Variants in LRP1B observed in about 807,000 individuals in gnomAD.
LRP1B encodes low-density lipoprotein receptor-related protein 1B.
In LRP1B, 217 loss-of-function variants were observed where a neutral mutation model predicts 556.6. The observed-to-expected ratio is 0.39, with a 90% CI of 0.35 to 0.44. The LOEUF (loss-of-function observed/expected upper bound fraction) is 0.44, where lower values mean the gene tolerates loss of function less well. Ranked by LOEUF, LRP1B falls within the 20% of genes least tolerant of loss-of-function variation. The probability of loss-of-function intolerance (pLI) is 1.00; values close to 1 mark genes in which losing one functional copy is unlikely to be tolerated. For missense variants in LRP1B, 5,053 were observed against 5,620.8 expected (o/e 0.90, Z 3.23); for synonymous variants, 2,047 against 1,865.8 (o/e 1.10, Z -2.50).
In LRP1B at chr2:141,570,908, T is replaced by A. The variant is rs372186826; in HGVS notation, c.206-90375A>T. 2.5e-4 allele frequency among the ~76,000 whole-genome samples: 37 copies of A among 150,512 alleles called. 1 individual carries two copies. The highest frequency in any genetic ancestry group is 6.3e-4 in the South Asian group (3 of 4,748). Reference sequence around the variant, plus strand: ...CTCAGGGACAGAATCTGGATCTCCCTGGGCCTGAGCCCCAAGGGGGAGGGG... The same window carrying A: ...CTCAGGGACAGAATCTGGATCTCCCAGGGCCTGAGCCCCAAGGGGGAGGGG... On this transcript the variant is annotated intron_variant, in intron 2 of 90. Transcript: ENST00000389484.
At chr2:142,062,373 C>G (rs941210998) in intron 1 of LRP1B, among the ~76,000 whole-genome samples, 6 of 151,790 alleles carry the variant, frequency 4.0e-5, no homozygotes, top group African/African-American at 1.5e-4. Context: ...TCTGCAAGGT[C>G]TTTGCTGACC....
Position 141,298,721 on chromosome 2 carries a change from G to A in LRP1B, c.344-44080C>T, listed in dbSNP as rs367615980. Among the ~76,000 whole-genome samples the A allele has an allele frequency of 9.9e-5, 15 of 152,134 alleles. 1 individual carries two copies. The South Asian group carries it at 2.7e-3, about 27-fold the overall frequency. On this transcript the variant is annotated intron_variant, in intron 3 of 90. Transcript: ENST00000389484. ...TGTAATACCAGCACTTTGGGAGGCC[G>A]AGGTGGGTGGATCACCTGAGGTCAG...
chr2:141,046,347 T>C (rs766746423), intron 11 of LRP1B, among the ~76,000 whole-genome samples: 5 of 152,090 alleles, frequency 3.3e-5, no homozygotes, highest in Non-Finnish European at 7.4e-5. Flanking sequence ...TGAATACACA[T>C]AGAATTTAAT....
chr2:140,924,380 T>C (rs1355690538), intron 20 of LRP1B, among the ~76,000 whole-genome samples: 1 of 152,072 alleles, frequency 6.6e-6, no homozygotes, highest in African/African-American at 2.4e-5. Context: ...TTGTTGCTGT[T>C]ATTTTCTATA....
At chr2:141,352,710 C>G (rs564084416) in intron 3 of LRP1B, among the ~76,000 whole-genome samples, 3 of 151,946 alleles carry the variant, frequency 2.0e-5, no homozygotes, top group South Asian at 4.1e-4. Context: ...ACAATTTACA[C>G]TAGGACAATA....
In LRP1B at chr2:140,236,877, A is replaced by C. The variant is rs183387693; in HGVS notation, c.13560+1275T>G. 2.6e-5 allele frequency among the ~76,000 whole-genome samples: 4 copies of C among 151,106 alleles called. No homozygotes were observed. The East Asian group carries it at 5.9e-4, about 22-fold the overall frequency. Reference sequence around the variant, plus strand: ...TCTAGATTTGCTAATACCTCAACACATTTGATTAGAGCATTATTTTACATG... The same window carrying C: ...TCTAGATTTGCTAATACCTCAACACCTTTGATTAGAGCATTATTTTACATG... On this transcript the variant is annotated intron_variant, in intron 89 of 90. Coordinates refer to ENST00000389484, the MANE Select transcript of LRP1B (RefSeq NM_018557.3).
chr2:141,900,847 T>G (rs941225493), intron 1 of LRP1B, among the ~76,000 whole-genome samples: 4 of 151,986 alleles, frequency 2.6e-5, no homozygotes, highest in African/African-American at 9.7e-5. Flanking sequence ...CTTCTCAAAT[T>G]ATCTAAATTT....
chr2:141,681,621 T>A (rs1662099239), intron 2 of LRP1B, among the ~76,000 whole-genome samples: 1 of 152,138 alleles, frequency 6.6e-6, no homozygotes, highest in Non-Finnish European at 1.5e-5. Flanking sequence ...ATAAATCATC[T>A]AAGATAGCAA....
chr2:140,548,649 G>A (rs565167490), intron 43 of LRP1B, among the ~76,000 whole-genome samples: 32 of 152,158 alleles, frequency 2.1e-4, no homozygotes, highest in Non-Finnish European at 3.1e-4. Flanking sequence ...ATTGTCAGGC[G>A]TGGTGGCTCA....
chr2:141,480,508 G>A lies in LRP1B; in HGVS notation c.231C>T (p.Cys77=), dbSNP rs2105090305. The A allele has an allele frequency of 1.2e-6, 2 of 1,613,858 alleles. No homozygotes were observed. The highest frequency in any genetic ancestry group is 1.7e-6 in the Non-Finnish European group (2 of 1,179,886). The part of the protein sequence containing the change: ...DTCPEEVEIK[C]PLNHIACLGT... ...CAAGGCAAGCAATGTGATTCAAGGG[G>A]CACTTGATTTCTACCTCCTCGGGAC... Residue 77 remains cysteine (C), a synonymous_variant, in exon 3 of 91, where the codon TGC becomes TGT. Transcript: ENST00000389484.
chr2:141,492,581 T>C (rs1380530717), intron 2 of LRP1B, among the ~76,000 whole-genome samples: 1 of 152,068 alleles, frequency 6.6e-6, no homozygotes, highest in African/African-American at 2.4e-5. Flanking sequence ...AAAATAGAGA[T>C]GAGAGAAGAC....
rs375693975 is a variant in LRP1B at position 140,501,944 on chromosome 2, A to T, written c.8663-70T>A. 3.6e-4 allele frequency: 382 copies of T among 1,054,956 alleles called. 3 individuals carry two copies. In the African/African-American group the frequency reaches 5.7e-3, roughly 16 times the overall value. 65.3% of individuals were successfully genotyped at this position (1,054,956 alleles called of 1,614,324 possible). On this transcript the variant is annotated intron_variant, in intron 54 of 90. Transcript: ENST00000389484. ...GTTTTATACTACAGTTGTTGAAAAC[A>T]TTCACAAATATCATTAACTCAGGTG...
chr2:142,047,910 CT>C (rs1704316114), intron 1 of LRP1B, among the ~76,000 whole-genome samples: 1 of 151,878 alleles, frequency 6.6e-6, no homozygotes, highest in African/African-American at 2.4e-5. Context: ...ATAAATAAAC[CT>C]TTTTTATGCC....
chr2:140,905,424 A>G (rs542355066), intron 22 of LRP1B, among the ~76,000 whole-genome samples: 2 of 152,226 alleles, frequency 1.3e-5, no homozygotes, highest in Admixed American at 1.3e-4. Context: ...GCTTGCAATT[A>G]TAAATCCTTT....
chr2:141,393,304 C>A (rs945352970), intron 3 of LRP1B, among the ~76,000 whole-genome samples: 4 of 152,072 alleles, frequency 2.6e-5, no homozygotes, highest in African/African-American at 9.7e-5. Context: ...AAAACTCTAA[C>A]AGCACCGCAA....
intron 32 of LRP1B, among the ~76,000 whole-genome samples, chr2:140,809,708 G>C (rs940282644): frequency 6.6e-6 from 1 of 152,212 alleles, no homozygotes; most frequent in African/African-American, 2.4e-5. Flanking sequence ...CATGGTTTCT[G>C]TGGGTCTAGA....
rs141830632 is a variant in LRP1B, at chr2:140,471,553, T to C, written c.9625+3585A>G. Among the ~76,000 whole-genome samples, 19 of 152,306 alleles carry C rather than the reference T, an allele frequency of 1.2e-4. No individual in the cohort carries two copies. The East Asian group carries it at 3.5e-3, about 28-fold the overall frequency. On this transcript the variant is annotated intron_variant, in intron 60 of 90. Transcript: ENST00000389484. ...ATGCCACTACCAGTATTTCTAAGCT[T>C]ACATATATCTCCAATTTGATCTACT...
intron 52 of LRP1B, among the ~76,000 whole-genome samples, chr2:140,508,393 C>T (rs1206566210): frequency 6.6e-6 from 1 of 152,122 alleles, no homozygotes; most frequent in Non-Finnish European, 1.5e-5. Context: ...TTCACATTGC[C>T]TATAGCCCCC....
At chr2:140,976,985 G>C (rs1020220106) in intron 18 of LRP1B, among the ~76,000 whole-genome samples, 3 of 152,122 alleles carry the variant, frequency 2.0e-5, no homozygotes, top group Non-Finnish European at 4.4e-5. Context: ...AGTTTAAAAA[G>C]AACAATCATA....
Sources: allele counts gnomAD v4.1 joint callset (sites outside exome capture counted in the v4.1 genomes callset), GRCh38; gene constraint gnomAD v4.1.1; transcripts MANE v1.5; gene names NCBI Gene and HGNC (gene_info 2026-07-23, HGNC 2026-07-21).